Variants in GLI3 observed in about 807,000 individuals in gnomAD.
GLI3 encodes transcription activator GLI3.
In GLI3, 20 loss-of-function variants were observed where a neutral mutation model predicts 100.8. The observed-to-expected ratio is 0.20, with a 90% CI of 0.14 to 0.29. The LOEUF (loss-of-function observed/expected upper bound fraction) is 0.29, where lower values mean the gene tolerates loss of function less well. GLI3 is among the 10% of genes least tolerant of loss of function. GLI3 has a pLI of 1.00. For missense variants in GLI3, 2,040 were observed against 2,128.5 expected (o/e 0.96, Z 0.82); for synonymous variants, 938 against 860.5 (o/e 1.09, Z -1.58).
At chr7:42,023,395 G>A in intron 10 of GLI3, 73 bp downstream of exon 10, 1 of 1,479,594 alleles carries the variant, frequency 6.8e-7, no homozygotes, top group Non-Finnish European at 9.5e-7. Flanking sequence ...CTCAGCTCAG[G>A]GTCAGAGAGG....
At chr7:42,080,302 A>G (rs1281910765) in intron 3 of GLI3, among the ~76,000 whole-genome samples, 1 of 152,250 alleles carries the variant, frequency 6.6e-6, no homozygotes, top group East Asian at 1.9e-4. Context: ...GACTGAAAAT[A>G]TGTGATGCAT....
At chr7:42,126,718 T>G (rs970210023) in intron 3 of GLI3, among the ~76,000 whole-genome samples, 1 of 152,216 alleles carries the variant, frequency 6.6e-6, no homozygotes, top group African/African-American at 2.4e-5. Flanking sequence ...GGTCTTGTGT[T>G]TTATCTGCAC....
intron 1 of GLI3, among the ~76,000 whole-genome samples, chr7:42,224,059 G>A (rs1788540082): frequency 6.6e-6 from 1 of 152,222 alleles, no homozygotes; most frequent in African/African-American, 2.4e-5. Context: ...GGCAGGTTCA[G>A]TAGGTCTGTC....
chr7:42,247,131 T>C (rs1788984596), intron 1 of GLI3, among the ~76,000 whole-genome samples: 1 of 152,124 alleles, frequency 6.6e-6, no homozygotes, highest in African/African-American at 2.4e-5. Flanking sequence ...AGGTTGAACA[T>C]TGAACCTGGG....
chr7:42,253,181 A>G (rs986164831), intron 1 of GLI3, among the ~76,000 whole-genome samples: 2 of 152,234 alleles, frequency 1.3e-5, no homozygotes, highest in African/African-American at 4.8e-5. Context: ...TATGTGAAGA[A>G]AGAGTTTCCT....
At chr7:42,057,650 T>TA (rs1386434190) in intron 4 of GLI3, among the ~76,000 whole-genome samples, 1 of 151,884 alleles carries the variant, frequency 6.6e-6, no homozygotes, top group Non-Finnish European at 1.5e-5. Context: ...AACTACAACA[T>TA]AAAAAATCTC....
At chr7:42,116,660 G>A (rs3801186) in intron 3 of GLI3, among the ~76,000 whole-genome samples, 16,030 of 152,086 alleles carry the variant, frequency 0.11, 917 homozygotes, top group African/African-American at 0.16. Flanking sequence ...ACCGGAGATG[G>A]CCAAAGCATT....
At chr7:42,116,487 G>GAAAAAAA (rs1166291083) in intron 3 of GLI3, among the ~76,000 whole-genome samples, 1 of 92,214 alleles carries the variant, frequency 1.1e-5, no homozygotes, top group Non-Finnish European at 2.6e-5. Context: ...TCTGCAAAAA[G>GAAAAAAA]AAAAAAAAAA....
intron 2 of GLI3, among the ~76,000 whole-genome samples, chr7:42,182,660 A>ATATATACGTGTGTG (rs1554337053): frequency 0.012 from 736 of 59,076 alleles, 21 homozygotes; most frequent in Non-Finnish European, 0.02. Flanking sequence ...ATATATATAT[A>ATATATACGTGTGTG]TATATATATA....
chr7:42,063,039 T>A (rs9986673), intron 4 of GLI3, among the ~76,000 whole-genome samples: 17,751 of 152,190 alleles, frequency 0.12, 1,160 homozygotes, highest in African/African-American at 0.17. Flanking sequence ...GCTATGCATC[T>A]GCACAAATAC....
intron 2 of GLI3, among the ~76,000 whole-genome samples, chr7:42,201,757 TA>T: frequency 6.6e-6 from 1 of 152,266 alleles, no homozygotes; most frequent in Non-Finnish European, 1.5e-5. Flanking sequence ...TTTGTGTATC[TA>T]AACATAGTTA....
chr7:42,131,562 T>A (rs1275504065), intron 3 of GLI3, among the ~76,000 whole-genome samples: 1 of 152,232 alleles, frequency 6.6e-6, no homozygotes, highest in East Asian at 1.9e-4. Context: ...ATGCTGTAGA[T>A]GCTTTCTAGA....
intron 2 of GLI3, among the ~76,000 whole-genome samples, chr7:42,196,986 A>C (rs1358794658): frequency 1.3e-5 from 2 of 152,200 alleles, no homozygotes; most frequent in Non-Finnish European, 2.9e-5. Context: ...ATTACTCCTG[A>C]TGGCAACCCT....
At chr7:42,172,017 C>G (rs1395128367) in intron 2 of GLI3, among the ~76,000 whole-genome samples, 1 of 152,114 alleles carries the variant, frequency 6.6e-6, no homozygotes, top group Admixed American at 6.6e-5. Context: ...GCACATTCTG[C>G]TCTCATGCAT....
chr7:42,022,101 T>C (rs541133137), intron 10 of GLI3, among the ~76,000 whole-genome samples: 5 of 151,754 alleles, frequency 3.3e-5, no homozygotes, highest in African/African-American at 1.2e-4. Flanking sequence ...AACATTTGAC[T>C]TTTTTTTTCT....
intron 13 of GLI3, among the ~76,000 whole-genome samples, chr7:41,969,613 T>C (rs1787314724): frequency 6.6e-6 from 1 of 152,234 alleles, no homozygotes; most frequent in African/African-American, 2.4e-5. Flanking sequence ...TGCTCCTTCC[T>C]GAGGTACTTG....
chr7:42,074,938 A>C lies in GLI3; in HGVS notation c.473+1814T>G, dbSNP rs983313666. On this transcript the variant is annotated intron_variant, in intron 4 of 14. Transcript: ENST00000395925. ...AAAAAGCAGGAAGAACTAAAATCCA[A>C]AGAAAACCCAGCTCAACAGTCACAC... 2.0e-5 allele frequency among the ~76,000 whole-genome samples: 3 copies of C among 152,152 alleles called. No individual in the cohort carries two copies. The East Asian group carries it at 5.8e-4, about 29-fold the overall frequency.
chr7:42,239,830 G>T (rs1788906327), upstream of GLI3, among the ~76,000 whole-genome samples: 1 of 152,164 alleles, frequency 6.6e-6, no homozygotes, highest in Non-Finnish European at 1.5e-5. Context: ...ATATAAGTAG[G>T]CACATTTTGC....
chr7:42,087,029 T>G lies in GLI3; in HGVS notation c.368-10172A>C, dbSNP rs569398345. ...ACTGTCTTCTTTCCCTCCCAGGAGG[T>G]CTGGGGTGTGAGGGCAGAAGAGGCC... On this transcript the variant is annotated intron_variant, in intron 3 of 14. Coordinates refer to ENST00000395925, the MANE Select transcript of GLI3 (RefSeq NM_000168.6). Among the ~76,000 whole-genome samples, 7 of 151,892 alleles carry G rather than the reference T, an allele frequency of 4.6e-5. No individual in the cohort carries two copies. The South Asian group carries it at 1.5e-3, about 32-fold the overall frequency.
Sources: allele counts gnomAD v4.1 joint callset (sites outside exome capture counted in the v4.1 genomes callset), GRCh38; gene constraint gnomAD v4.1.1; transcripts MANE v1.5; gene names NCBI Gene and HGNC (gene_info 2026-07-23, HGNC 2026-07-21).